Variants in NKAIN3 observed in about 807,000 individuals in gnomAD.
The protein encoded by NKAIN3 is sodium/potassium transporting ATPase interacting 3, also known as sodium/potassium-transporting ATPase subunit beta-1-interacting protein 3.
Under a neutral mutation model 30.2 loss-of-function variants are expected in NKAIN3, and 25 were observed. The observed-to-expected ratio is 0.83, with a 90% CI of 0.60 to 1.16. The LOEUF (loss-of-function observed/expected upper bound fraction) is 1.16, where lower values mean the gene tolerates loss of function less well. Among genes scored for constraint, NKAIN3 ranks in the 50% most tolerant of loss-of-function variants. The pLI is 0.00. For missense variants in NKAIN3, 225 were observed against 254.1 expected (o/e 0.89, Z 0.78); for synonymous variants, 91 against 89.6 (o/e 1.02, Z -0.09).
At chr8:62,608,695 C>T (rs1811199736) in intron 3 of NKAIN3, among the ~76,000 whole-genome samples, 1 of 152,100 alleles carries the variant, frequency 6.6e-6, no homozygotes. Context: ...CTTTAACTTC[C>T]TTAAACTTTC....
chr8:62,777,680 C>T (rs1052972732), intron 4 of NKAIN3, among the ~76,000 whole-genome samples: 12 of 152,144 alleles, frequency 7.9e-5, no homozygotes, highest in African/African-American at 1.2e-4. Flanking sequence ...GTCTGTCTCT[C>T]CATGATTGGT....
At chr8:62,953,694 C>A (rs1823345853) in intron 5 of NKAIN3, among the ~76,000 whole-genome samples, 1 of 152,108 alleles carries the variant, frequency 6.6e-6, no homozygotes, top group African/African-American at 2.4e-5. Context: ...TTTTCAGACC[C>A]TATGAATCCA....
rs944550074 is a variant in NKAIN3, at chr8:62,464,660, G to C, written c.55-114879G>C. Among the ~76,000 whole-genome samples the C allele has an allele frequency of 7.2e-5, 11 of 152,118 alleles. 1 individual carries two copies. Among genetic ancestry groups the C allele is most frequent in the Non-Finnish European group, 1.5e-4 (10 of 67,994 alleles). ...ATGTAAGAAAAGTCTCCCGTGATGG[G>C]TCAGGAAGATCCTCAAGTATAACGG... On this transcript the variant is annotated intron_variant, in intron 1 of 6. Transcript: ENST00000623646.
At chr8:62,759,098 T>A (rs1816556863) in intron 4 of NKAIN3, among the ~76,000 whole-genome samples, 1 of 152,176 alleles carries the variant, frequency 6.6e-6, no homozygotes. Flanking sequence ...CTTTTAAAAA[T>A]TACATTCTCT....
chr8:62,624,387 T>G (rs1231963013), intron 3 of NKAIN3, among the ~76,000 whole-genome samples: 1 of 152,032 alleles, frequency 6.6e-6, no homozygotes, highest in Non-Finnish European at 1.5e-5. Flanking sequence ...GTTGGTATTT[T>G]TTTTTTCTCT....
At chr8:62,922,492 A>G (rs1294716756) in intron 5 of NKAIN3, among the ~76,000 whole-genome samples, 1 of 151,656 alleles carries the variant, frequency 6.6e-6, no homozygotes, top group African/African-American at 2.4e-5. Context: ...AGGTGACCAC[A>G]AGGCCAGACA....
chr8:62,724,688 A>G (rs1359962678), intron 3 of NKAIN3, among the ~76,000 whole-genome samples: 2 of 152,048 alleles, frequency 1.3e-5, no homozygotes, highest in Non-Finnish European at 2.9e-5. Flanking sequence ...AGTTCCATCC[A>G]TGTTGTTGCA....
chr8:62,363,426 C>T (rs759709108), intron 1 of NKAIN3, among the ~76,000 whole-genome samples: 2 of 152,082 alleles, frequency 1.3e-5, no homozygotes, highest in Admixed American at 6.5e-5. Context: ...TACCTAACAA[C>T]GTCTGAGACC....
At chr8:62,592,559 A>C (rs1585986483) in intron 3 of NKAIN3, among the ~76,000 whole-genome samples, 1 of 152,188 alleles carries the variant, frequency 6.6e-6, no homozygotes, top group South Asian at 2.1e-4. Context: ...CAGATGTTAC[A>C]AATAAAAAAC....
intron 1 of NKAIN3, among the ~76,000 whole-genome samples, chr8:62,530,758 C>G (rs192316125): frequency 6.6e-6 from 1 of 152,058 alleles, no homozygotes; most frequent in African/African-American, 2.4e-5. Flanking sequence ...CCTGCCTCAG[C>G]CTCCCAAGTA....
chr8:62,524,010 T>C (rs1475744833), intron 1 of NKAIN3, among the ~76,000 whole-genome samples: 1 of 152,142 alleles, frequency 6.6e-6, no homozygotes, highest in Non-Finnish European at 1.5e-5. Context: ...TGTGTTGCTT[T>C]GGTCCTCAAG....
intron 4 of NKAIN3, among the ~76,000 whole-genome samples, chr8:62,784,984 A>G (rs1050726879): frequency 2.6e-5 from 4 of 152,196 alleles, no homozygotes; most frequent in African/African-American, 9.6e-5. Flanking sequence ...ATGTAGAGAA[A>G]TTAAAACCTT....
chr8:62,376,594 C>T (rs1018266378), intron 1 of NKAIN3, among the ~76,000 whole-genome samples: 1 of 152,186 alleles, frequency 6.6e-6, no homozygotes, highest in Non-Finnish European at 1.5e-5. Context: ...CTACCTTGCT[C>T]TCTGTAACAT....
At chr8:62,411,943 G>T (rs1367317510) in intron 1 of NKAIN3, among the ~76,000 whole-genome samples, 1 of 152,192 alleles carries the variant, frequency 6.6e-6, no homozygotes, top group East Asian at 1.9e-4. Context: ...CAGGCTTATG[G>T]ATTAAAAGAA....
At chr8:62,858,950 C>T (rs887364155) in intron 4 of NKAIN3, among the ~76,000 whole-genome samples, 1 of 152,142 alleles carries the variant, frequency 6.6e-6, no homozygotes, top group Non-Finnish European at 1.5e-5. Context: ...GCTGCAGACA[C>T]CTTTGTTGGG....
intron 3 of NKAIN3, among the ~76,000 whole-genome samples, chr8:62,637,146 A>G: frequency 6.6e-6 from 1 of 152,226 alleles, no homozygotes; most frequent in South Asian, 2.1e-4. Context: ...TAGGTATGAA[A>G]CAAACATTTG....
chr8:62,907,513 C>A (rs1046436027), intron 4 of NKAIN3, among the ~76,000 whole-genome samples: 1 of 152,158 alleles, frequency 6.6e-6, no homozygotes, highest in Admixed American at 6.5e-5. Flanking sequence ...GTCTTCATGG[C>A]AGCGCCCCCC....
chr8:62,351,515 A>T (rs924320276), intron 1 of NKAIN3, among the ~76,000 whole-genome samples: 10 of 149,464 alleles, frequency 6.7e-5, no homozygotes, highest in African/African-American at 2.4e-4. Context: ...ATAAATATAC[A>T]TATAAATATA....
intron 3 of NKAIN3, among the ~76,000 whole-genome samples, chr8:62,660,102 G>C (rs1280588527): frequency 2.0e-5 from 3 of 152,132 alleles, no homozygotes; most frequent in Non-Finnish European, 4.4e-5. Context: ...ATCTGACCTA[G>C]AGCCACTCCC....
Sources: allele counts gnomAD v4.1 joint callset (sites outside exome capture counted in the v4.1 genomes callset), GRCh38; gene constraint gnomAD v4.1.1; transcripts MANE v1.5; gene names NCBI Gene and HGNC (gene_info 2026-07-23, HGNC 2026-07-21).